Variants in NEIL3 observed in about 807,000 individuals in gnomAD.
NEIL3 encodes nei like DNA glycosylase 3.
A neutral mutation model predicts 57.5 loss-of-function variants in NEIL3; 48 were observed. That is an observed-to-expected ratio of 0.83 (90% confidence interval 0.66 to 1.06). NEIL3 has a LOEUF of 1.06. NEIL3 is among the 50% of genes least tolerant of loss of function. The pLI is 0.00. For synonymous variants in NEIL3, 261 were observed against 253.2 expected (o/e 1.03, Z -0.29); for missense variants, 717 against 739.1 (o/e 0.97, Z 0.35).
intron 8 of NEIL3, among the ~76,000 whole-genome samples, chr4:177,356,081 T>A (rs866815120): frequency 5.9e-5 from 9 of 152,208 alleles, no homozygotes; most frequent in African/African-American, 1.7e-4. Context: ...GAACAGAAAA[T>A]CATTTCCAAA....
chr4:177,361,648 ATC>A (rs1426965723), intron 9 of NEIL3, among the ~76,000 whole-genome samples: 1 of 152,206 alleles, frequency 6.6e-6, no homozygotes, highest in Non-Finnish European at 1.5e-5. Flanking sequence ...CCTTTTTCAT[ATC>A]TCTCTTGAGG....
intron 1 of NEIL3, among the ~76,000 whole-genome samples, chr4:177,315,997 C>T (rs953274679): frequency 2.0e-5 from 3 of 152,124 alleles, no homozygotes; most frequent in Non-Finnish European, 2.9e-5. Flanking sequence ...AGACACCCAG[C>T]GAATGCCAGA....
In NEIL3 at chr4:177,341,629, C is replaced by T. The variant is rs763936051; in HGVS notation, c.856C>T (p.His286Tyr). The T allele has an allele frequency of 2.5e-6, 4 of 1,612,628 alleles. No homozygotes were observed. The highest frequency in any genetic ancestry group is 2.5e-6 in the Non-Finnish European group (3 of 1,179,370). The change falls in exon 6 of 10, where the codon CAT (histidine) becomes TAT (tyrosine). Residue 286 changes from histidine to tyrosine, a missense_variant. Transcript: ENST00000264596. ...TCACTGTCAAAAAGAAAATCCTCAA[C>T]ATGTTGACATATGGTAAGATATTGA... ...CPHCQKENPQHVDICKLPTRN... is the reference protein window; with the variant it reads ...CPHCQKENPQYVDICKLPTRN...
At chr4:177,324,342 G>A (rs754746748) in intron 2 of NEIL3, among the ~76,000 whole-genome samples, 13 of 152,074 alleles carry the variant, frequency 8.5e-5, no homozygotes, top group African/African-American at 1.9e-4. Flanking sequence ...AAAATTGCCC[G>A]CAGAGTTTAG....
intron 4 of NEIL3, among the ~76,000 whole-genome samples, chr4:177,339,515 T>C (rs1400500846): frequency 1.3e-5 from 2 of 152,254 alleles, no homozygotes; most frequent in African/African-American, 4.8e-5. Flanking sequence ...TGGAAGTCGG[T>C]CATCATAAAG....
At chr4:177,311,209 C>G (rs934602804) in intron 1 of NEIL3, among the ~76,000 whole-genome samples, 9 of 151,982 alleles carry the variant, frequency 5.9e-5, no homozygotes, top group Admixed American at 5.2e-4. Flanking sequence ...ACCTGGGGAG[C>G]AAAAACAAAT....
At chr4:177,337,478 A>G (rs1305561474) in intron 4 of NEIL3, among the ~76,000 whole-genome samples, 1 of 152,176 alleles carries the variant, frequency 6.6e-6, no homozygotes, top group African/African-American at 2.4e-5. Flanking sequence ...CTGCTTTTTG[A>G]TACTTGGAAC....
chr4:177,359,791 T>C (rs989187287), intron 8 of NEIL3, among the ~76,000 whole-genome samples: 5 of 152,212 alleles, frequency 3.3e-5, no homozygotes, highest in African/African-American at 9.7e-5. Context: ...AAATTCTGTT[T>C]ATACAGCTAC....
chr4:177,334,302 T>C (rs985268138), intron 2 of NEIL3, among the ~76,000 whole-genome samples: 1 of 152,178 alleles, frequency 6.6e-6, no homozygotes, highest in African/African-American at 2.4e-5. Context: ...AATTATAATA[T>C]CTATTTAATA....
chr4:177,360,556 C>G lies in NEIL3; in HGVS notation c.1514C>G (p.Pro505Arg). ...CCTCGTACCTTAAATCCTGACAGCC[C>G]TCGCTGCAGTAAACACAACCGCCTC... ...DGPRTLNPDS[P>R]RCSKHNRLCI... The change falls in exon 9 of 10, where the codon CCT becomes CGT. Residue 505 changes from proline (P) to arginine (R), a missense_variant. By Grantham distance (103) the Pro-to-Arg change is moderately radical. Coordinates refer to ENST00000264596, the MANE Select transcript of NEIL3 (RefSeq NM_018248.3). The G allele has an allele frequency of 6.2e-7, 1 of 1,614,038 alleles. No individual in the cohort carries two copies. The highest frequency in any genetic ancestry group is 8.5e-7 in the Non-Finnish European group (1 of 1,179,944).
At chr4:177,370,500 G>A in the NEIL3 span, among the ~76,000 whole-genome samples, 1 of 152,128 alleles carries the variant, frequency 6.6e-6, no homozygotes, top group Non-Finnish European at 1.5e-5. Context: ...GAGGGCCTGG[G>A]GAACAGCAGA....
intron 2 of NEIL3, among the ~76,000 whole-genome samples, chr4:177,333,031 TTA>T (rs201127397): frequency 7.3e-5 from 11 of 151,048 alleles, no homozygotes; most frequent in South Asian, 4.2e-4. Context: ...CTCCTATTTT[TTA>T]TTTTTAGCAT....
At chr4:177,311,695 A>G (rs888260288) in intron 1 of NEIL3, among the ~76,000 whole-genome samples, 22 of 146,590 alleles carry the variant, frequency 1.5e-4, no homozygotes, top group Admixed American at 1.3e-3. Flanking sequence ...AAAAAAAAAA[A>G]GCTGAGGTGT....
At chr4:177,322,072 C>G (rs1267904274) in intron 1 of NEIL3, among the ~76,000 whole-genome samples, 2 of 152,204 alleles carry the variant, frequency 1.3e-5, no homozygotes, top group Non-Finnish European at 2.9e-5. Flanking sequence ...TATCTGACCA[C>G]TCTTTCAGGG....
intron 6 of NEIL3, chr4:177,343,859 T>C (rs1560916935): frequency 6.6e-6 from 1 of 151,964 alleles, no homozygotes; most frequent in African/African-American, 2.4e-5. Flanking sequence ...TTTTATAATA[T>C]AGGTATACAT....
chr4:177,312,211 T>C (rs971708023), intron 1 of NEIL3, among the ~76,000 whole-genome samples: 1 of 152,172 alleles, frequency 6.6e-6, no homozygotes, highest in African/African-American at 2.4e-5. Flanking sequence ...CATATGAGGC[T>C]CAGAGTGACT....
chr4:177,335,943 A>G (rs538367340), intron 3 of NEIL3, 121 bp downstream of exon 3: 167 of 1,095,240 alleles, frequency 1.5e-4, no homozygotes, highest in Middle Eastern at 3.1e-4. Context: ...ACCTCATTTT[A>G]AAGAAGCCTT....
chr4:177,335,589 T>G, intron 2 of NEIL3, 99 bp from the exon 3 acceptor site: 1 of 1,064,742 alleles, frequency 9.4e-7, no homozygotes, highest in Non-Finnish European at 1.4e-6. Context: ...TGACTAACAT[T>G]TGTTTGCTTA....
At chr4:177,328,756 T>C (rs866094600) in intron 2 of NEIL3, among the ~76,000 whole-genome samples, 13 of 152,084 alleles carry the variant, frequency 8.5e-5, no homozygotes, top group Admixed American at 7.9e-4. Context: ...AATGGGAAAC[T>C]TGGAAGTAAA....
Sources: allele counts gnomAD v4.1 joint callset (sites outside exome capture counted in the v4.1 genomes callset), GRCh38; gene constraint gnomAD v4.1.1; transcripts MANE v1.5; gene names NCBI Gene and HGNC (gene_info 2026-07-23, HGNC 2026-07-21).